Variants in NLN observed in about 807,000 individuals in gnomAD.
The protein encoded by NLN is neurolysin.
Under a neutral mutation model 79.9 loss-of-function variants are expected in NLN, and 64 were observed. The observed-to-expected ratio is 0.80, with a 90% CI of 0.65 to 0.99. The LOEUF (loss-of-function observed/expected upper bound fraction) is 0.99, where lower values mean the gene tolerates loss of function less well. NLN is among the 50% of genes least tolerant of loss of function. The pLI, the probability that NLN is intolerant of heterozygous loss-of-function variation, is 0.00. For missense variants in NLN, 835 were observed against 858.7 expected, an observed-to-expected ratio of 0.97 and a Z score of 0.34; for synonymous variants, 267 against 296.6, an observed-to-expected ratio of 0.90 and a Z score of 1.02.
intron 1 of NLN, chr5:65,723,073 T>A (rs919261919): frequency 6.6e-6 from 1 of 152,232 alleles, no homozygotes; most frequent in African/African-American, 2.4e-5. Context: ...AACAGACCAG[T>A]AGCAAGATGG....
At chr5:65,786,931 C>T (rs1188750036) in intron 7 of NLN, among the ~76,000 whole-genome samples, 1 of 152,088 alleles carries the variant, frequency 6.6e-6, no homozygotes, top group Admixed American at 6.5e-5. Context: ...TTACTAGAAA[C>T]AACAGAAGTG....
Position 65,758,791 on chromosome 5 carries a change from T to C in NLN, c.266T>C (p.Leu89Pro), listed in dbSNP as rs774561300. Residue 89 changes from leucine (L) to proline (P), a missense_variant, in exon 2 of 13, where the codon CTG becomes CCG. Coordinates refer to ENST00000380985, the MANE Select transcript of NLN (RefSeq NM_020726.5). ...GAGGAAGTAACTTACGAGAACTGTC[T>C]GCAGGCACTGGCAGATGTAGAAGTA... The part of the protein sequence containing the change: ...GIEEVTYENC[L>P]QALADVEVKY... 39 of 1,613,688 alleles carry C rather than the reference T, an allele frequency of 2.4e-5. No homozygotes were observed. Among genetic ancestry groups the C allele is most frequent in the Non-Finnish European group, 8.5e-7 (1 of 1,179,762 alleles).
At chr5:65,754,432 G>A (rs1460379391) in intron 1 of NLN, among the ~76,000 whole-genome samples, 2 of 152,096 alleles carry the variant, frequency 1.3e-5, no homozygotes, top group East Asian at 3.9e-4. Context: ...AACTATGTTG[G>A]GGGTGTATGA....
At chr5:65,789,502 C>T (rs1160250495) in intron 8 of NLN, among the ~76,000 whole-genome samples, 4 of 152,180 alleles carry the variant, frequency 2.6e-5, no homozygotes, top group Non-Finnish European at 5.9e-5. Context: ...ACCACCCAGA[C>T]ATGGTGGCTC....
intron 6 of NLN, among the ~76,000 whole-genome samples, chr5:65,782,672 C>T (rs561839790): frequency 6.6e-6 from 1 of 152,318 alleles, no homozygotes; most frequent in Non-Finnish European, 1.5e-5. Flanking sequence ...GCTTTTCCAA[C>T]CATCTGAAGA....
chr5:65,748,200 C>G (rs572723016), intron 1 of NLN, among the ~76,000 whole-genome samples: 3 of 152,046 alleles, frequency 2.0e-5, no homozygotes, highest in African/African-American at 7.2e-5. Context: ...GAGTCTGTCT[C>G]AAAAACAAAA....
In NLN at chr5:65,824,691, A is replaced by G. The variant is rs934395331; in HGVS notation, c.*1776A>G. 1.3e-5 allele frequency: 2 copies of G among 152,222 alleles called. No individual in the cohort carries two copies. Among genetic ancestry groups the G allele is most frequent in the Non-Finnish European group, 2.9e-5 (2 of 68,042 alleles). The allele number at this position is 152,222 out of a possible 1,614,324, so 9.4% of individuals were successfully genotyped here. A position where few individuals can be genotyped will look rare whatever the true frequency, so the allele number is the denominator to read the frequency against. On this transcript the variant is annotated 3_prime_UTR_variant, in exon 13 of 13. Transcript: ENST00000380985. ...GTTATATTATTATCCATGAAAATGAACTCATATTTCTTTCATACTTTAACG... is the reference window on the plus strand; with the variant it reads ...GTTATATTATTATCCATGAAAATGAGCTCATATTTCTTTCATACTTTAACG...
chr5:65,753,435 G>A (rs188759869), intron 1 of NLN, among the ~76,000 whole-genome samples: 2 of 152,196 alleles, frequency 1.3e-5, no homozygotes, highest in Admixed American at 1.3e-4. Context: ...GATCACTTCC[G>A]GTTAGTAGTT....
rs187875613 is a variant in NLN at position 65,749,108 on chromosome 5, T to A, written c.42-9459T>A. On this transcript the variant is annotated intron_variant, in intron 1 of 12. Coordinates refer to ENST00000380985, the MANE Select transcript of NLN (RefSeq NM_020726.5). ...GCTCCTCCTTCTCCTTCTGCTATGA[T>A]TGTGAGGCCTCCCAGCCATGTGGAA... Among the ~76,000 whole-genome samples the A allele has an allele frequency of 4.2e-3, 646 of 152,320 alleles. 2 individuals carry two copies. The highest frequency in any genetic ancestry group is 6.2e-3 in the Non-Finnish European group (425 of 68,026).
In NLN at chr5:65,825,361, G is replaced by C. The variant is rs1234865141; in HGVS notation, c.*2446G>C. 5 of 151,998 alleles carry C rather than the reference G, an allele frequency of 3.3e-5. No individual in the cohort carries two copies. Among genetic ancestry groups the C allele is most frequent in the Non-Finnish European group, 5.9e-5 (4 of 67,990 alleles). 9.4% of individuals were successfully genotyped at this position (151,998 alleles called of 1,614,324 possible). On this transcript the variant is annotated 3_prime_UTR_variant, in exon 13 of 13. Transcript: ENST00000380985. ...GCCACATATAATAAGGTCTCTCCTG[G>C]TAATTGATCCAGGGGATTTAGGCCT...
chr5:65,747,148 G>T (rs1487526739), intron 1 of NLN, among the ~76,000 whole-genome samples: 7 of 152,174 alleles, frequency 4.6e-5, no homozygotes, highest in African/African-American at 1.7e-4. Flanking sequence ...TAGGAGTAAA[G>T]AGAAATGGAT....
rs536521674 is a variant in NLN at position 65,825,496 on chromosome 5, G to T, written c.*2581G>T. Reference sequence around the variant, plus strand: ...CATGATCCTAAAGGTTTAGTTTTACGATGCTGCAGAGAAGAGAAATGTCTT... The same window carrying T: ...CATGATCCTAAAGGTTTAGTTTTACTATGCTGCAGAGAAGAGAAATGTCTT... On this transcript the variant is annotated 3_prime_UTR_variant, in exon 13 of 13. Coordinates refer to ENST00000380985, the MANE Select transcript of NLN (RefSeq NM_020726.5). 1 of 152,002 alleles carries T rather than the reference G, an allele frequency of 6.6e-6. No homozygotes were observed. The highest frequency in any genetic ancestry group is 1.5e-5 in the Non-Finnish European group (1 of 68,014). The allele number at this position is 152,002 out of a possible 1,614,324, so 9.4% of individuals were successfully genotyped here. A position where few individuals can be genotyped will look rare whatever the true frequency, so the allele number is the denominator to read the frequency against.
intron 12 of NLN, among the ~76,000 whole-genome samples, chr5:65,816,694 G>A (rs80272538): frequency 0.011 from 1,738 of 152,216 alleles, 31 homozygotes; most frequent in African/African-American, 0.04. Context: ...AGTTTCACAT[G>A]TCAGTGAGTG....
chr5:65,807,623 T>G (rs1404792910), intron 9 of NLN, among the ~76,000 whole-genome samples: 1 of 152,076 alleles, frequency 6.6e-6, no homozygotes, highest in Non-Finnish European at 1.5e-5. Context: ...GTATTTTTAG[T>G]AGAGACAGAG....
At chr5:65,815,522 C>A (rs555938401) in intron 12 of NLN, among the ~76,000 whole-genome samples, 2 of 152,164 alleles carry the variant, frequency 1.3e-5, no homozygotes, top group African/African-American at 4.8e-5. Context: ...TATTAGATGT[C>A]TTATGCCATA....
intron 1 of NLN, chr5:65,722,615 T>A (rs1340921308): frequency 1.9e-6 from 1 of 537,328 alleles, no homozygotes; most frequent in Admixed American, 3.8e-5. Flanking sequence ...CTCCGCTCCC[T>A]CGGGAGGACG....
At chr5:65,731,484 G>C (rs1386810485) in intron 1 of NLN, among the ~76,000 whole-genome samples, 1 of 152,100 alleles carries the variant, frequency 6.6e-6, no homozygotes, top group Non-Finnish European at 1.5e-5. Flanking sequence ...GAATTGCCTA[G>C]TTTTATTTTG....
chr5:65,736,783 A>C (rs955625578), intron 1 of NLN, among the ~76,000 whole-genome samples: 2 of 152,032 alleles, frequency 1.3e-5, no homozygotes, highest in African/African-American at 4.8e-5. Context: ...TACATTTTAG[A>C]TATTGTTCAC....
At chr5:65,773,796 A>G (rs1176579865) in intron 3 of NLN, among the ~76,000 whole-genome samples, 1 of 152,074 alleles carries the variant, frequency 6.6e-6, no homozygotes, top group African/African-American at 2.4e-5. Context: ...TACAAAAATT[A>G]GCCAGATGTG....
Sources: gnomAD v4.1 joint callset for allele counts (sites outside exome capture counted in the v4.1 genomes callset) on GRCh38, gnomAD v4.1.1 for gene constraint, MANE v1.5 for transcripts, NCBI Gene and HGNC (gene_info 2026-07-23, HGNC 2026-07-21) for gene names.